RPS3: variants seen among roughly 807,000 people sequenced by gnomAD.
RPS3 encodes the protein ribosomal protein S3.
In RPS3, 2 loss-of-function variants were observed where a neutral mutation model predicts 25.8. The ratio of observed to expected loss-of-function variants is 0.08; its 90% CI spans 0.03 to 0.24. The LOEUF is 0.24. Among genes scored for constraint, RPS3 ranks in the 10% least tolerant of loss-of-function variants. The pLI is 1.00. For missense variants in RPS3, 107 were observed against 307.1 expected (o/e 0.35, Z 4.87); for synonymous variants, 114 against 114.2 (o/e 1.00, Z 0.01).
chr11:75,407,390 G>A (rs759658689), downstream of RPS3, among the ~76,000 whole-genome samples: 12 of 152,162 alleles, frequency 7.9e-5, no homozygotes, highest in African/African-American at 1.9e-4. Context: ...CCCCCACCTC[G>A]GCCTTCCAGA....
At chr11:75,411,683 C>T (rs1948357767), downstream of RPS3, among the ~76,000 whole-genome samples, 1 of 152,224 alleles carries the variant, frequency 6.6e-6, no homozygotes, top group Admixed American at 6.5e-5. Flanking sequence ...AGCCACTGCA[C>T]CCAGCCCTTA....
Position 75,406,732 on chromosome 11 carries a change from A to G in RPS3, c.*1122A>G, listed in dbSNP as rs563809869. The G allele has an allele frequency of 6.6e-6, 1 of 152,326 alleles. No individual in the cohort carries two copies. Among genetic ancestry groups the G allele is most frequent in the South Asian group, 2.1e-4 (1 of 4,822 alleles). The allele number at this position is 152,326 out of a possible 1,614,324, so 9.4% of individuals were successfully genotyped here. On this transcript the variant is annotated 3_prime_UTR_variant, in exon 7 of 7. Coordinates refer to ENST00000531188, the MANE Select transcript of RPS3 (RefSeq NM_001005.5). ...GGATTTGCATCTGTGGATTCAACCA[A>G]CTTTGGGTCAAAAATAATCAAAAAG...
At chr11:75,412,368 T>G (rs960684982) in intron 6 of RPS3, among the ~76,000 whole-genome samples, 2 of 152,212 alleles carry the variant, frequency 1.3e-5, no homozygotes, top group African/African-American at 4.8e-5. Context: ...TGGCTGGACC[T>G]CTCTGCAGCT....
At chr11:75,414,818 A>G (rs1948383755) in intron 6 of RPS3, among the ~76,000 whole-genome samples, 1 of 152,122 alleles carries the variant, frequency 6.6e-6, no homozygotes, top group Non-Finnish European at 1.5e-5. Context: ...AGGGATGAAA[A>G]CACCACCATT....
In RPS3 at chr11:75,399,544, C is replaced by A; in HGVS notation, c.-4C>A. On this transcript the variant is annotated 5_prime_UTR_variant, in exon 1 of 7. Coordinates refer to ENST00000531188, the MANE Select transcript of RPS3 (RefSeq NM_001005.5). Reference sequence around the variant, plus strand: ...CTTTCCTTTCAGCGGAGCGCGGCGGCAAGATGGCAGTGCAAATATCCAAGA... The same window carrying A: ...CTTTCCTTTCAGCGGAGCGCGGCGGAAAGATGGCAGTGCAAATATCCAAGA... 6.2e-7 allele frequency: 1 copy of A among 1,613,988 alleles called. No individual in the cohort carries two copies. Among genetic ancestry groups the A allele is most frequent in the Non-Finnish European group, 8.5e-7 (1 of 1,179,950 alleles).
At position 75,405,265 on chromosome 11, in the gene RPS3, C is replaced by G. The variant is rs559948277; in HGVS notation, c.*4-349C>G. 24 of 193,034 alleles carry G rather than the reference C, an allele frequency of 1.2e-4. No homozygotes were observed. In the South Asian group the frequency reaches 2.1e-3, roughly 17 times the overall value. The allele number at this position is 193,034 out of a possible 1,614,324, so 12.0% of individuals were successfully genotyped here. ...CTAATTTTTGTGTTTTTAGTAGAGA[C>G]GGGGTTTCACCTTGTTGGCCAGGCT... On this transcript the variant is annotated intron_variant, in intron 6 of 6. Coordinates refer to ENST00000531188, the MANE Select transcript of RPS3 (RefSeq NM_001005.5).
Position 75,404,607 on chromosome 11 carries a change from T to C in RPS3, c.539-65T>C, listed in dbSNP as rs1284853081. The C allele has an allele frequency of 1.3e-6, 2 of 1,507,398 alleles. No individual in the cohort carries two copies. The highest frequency in any genetic ancestry group is 2.3e-5 in the South Asian group (2 of 87,872). 93.4% of individuals were successfully genotyped at this position (1,507,398 alleles called of 1,614,324 possible). A position where few individuals can be genotyped will look rare whatever the true frequency, so the allele number is the denominator to read the frequency against. ...TGCTTGAGTAAACTGCTTGCTCTCT[T>C]TGGTCTTGTGTGATGGGGGCCTTTG... On this transcript the variant is annotated intron_variant, in intron 5 of 6. Transcript: ENST00000531188. The surrounding 1 kb of genome is among the most constrained non-coding windows in gnomAD (Gnocchi z 4.6).
intron 6 of RPS3, among the ~76,000 whole-genome samples, chr11:75,414,488 G>A (rs1948381225): frequency 6.6e-6 from 1 of 152,164 alleles, no homozygotes; most frequent in Admixed American, 6.5e-5. Flanking sequence ...GTGGACGCCT[G>A]TAGTCCCAGC....
chr11:75,412,500 A>T (rs1011095809), intron 6 of RPS3, among the ~76,000 whole-genome samples: 66 of 152,062 alleles, frequency 4.3e-4, no homozygotes, highest in African/African-American at 1.5e-3. Context: ...TTTCCATTTC[A>T]AAATAGGGTT....
chr11:75,404,515 T>A lies in RPS3; in HGVS notation c.539-157T>A, dbSNP rs1357318371. 1.2e-6 allele frequency: 1 copy of A among 835,680 alleles called. No homozygotes were observed. Among genetic ancestry groups the A allele is most frequent in the Admixed American group, 1.7e-5 (1 of 59,034 alleles). 51.8% of individuals were successfully genotyped at this position (835,680 alleles called of 1,614,324 possible). On this transcript the variant is annotated intron_variant, in intron 5 of 6. Transcript: ENST00000531188. This position sits in a 1 kb window ranked among gnomAD's most constrained non-coding sequence, Gnocchi z 4.6. Reference sequence around the variant, plus strand: ...CTGTGGTGCTGTGCACGAGTTCCTTTGGCAGAAGTGTCCTATTTATTGATC... The same window carrying A: ...CTGTGGTGCTGTGCACGAGTTCCTTAGGCAGAAGTGTCCTATTTATTGATC...
chr11:75,401,201 T>A (rs1948205246), intron 2 of RPS3, among the ~76,000 whole-genome samples: 1 of 152,194 alleles, frequency 6.6e-6, no homozygotes, highest in Non-Finnish European at 1.5e-5. Context: ...TTTATGAACT[T>A]AAGGGGACAG....
chr11:75,405,496 T>C (rs1046220631), intron 6 of RPS3, 118 bp from the exon 7 acceptor site: 1 of 406,548 alleles, frequency 2.5e-6, no homozygotes, highest in East Asian at 7.1e-5. Flanking sequence ...CAAACCCTTA[T>C]GTATGCATTT....
At chr11:75,414,019 A>AT (rs1391561697) in intron 6 of RPS3, among the ~76,000 whole-genome samples, 2 of 152,084 alleles carry the variant, frequency 1.3e-5, no homozygotes, top group Non-Finnish European at 2.9e-5. Flanking sequence ...TCAGTGAACG[A>AT]TTTTTCAGCT....
chr11:75,399,683 G>C, intron 1 of RPS3, 106 bp downstream of exon 1: 10 of 999,496 alleles, frequency 1.0e-5, no homozygotes, highest in Non-Finnish European at 1.4e-5. Context: ...CCCTGGAAGC[G>C]GCCTAGGCTT....
At chr11:75,408,073 G>A (rs932961945), downstream of RPS3, among the ~76,000 whole-genome samples, 24 of 152,352 alleles carry the variant, frequency 1.6e-4, no homozygotes, top group African/African-American at 5.3e-4. Flanking sequence ...AGGTGGTGCT[G>A]TGACAAAGGC....
At chr11:75,408,508 C>T (rs1268857037), downstream of RPS3, among the ~76,000 whole-genome samples, 1 of 152,126 alleles carries the variant, frequency 6.6e-6, no homozygotes, top group Non-Finnish European at 1.5e-5. Context: ...TTGCCCCCTC[C>T]CTTGTATCTA....
intron 6 of RPS3, among the ~76,000 whole-genome samples, chr11:75,419,165 C>G (rs1435017820): frequency 6.6e-6 from 1 of 152,144 alleles, no homozygotes; most frequent in Non-Finnish European, 1.5e-5. Flanking sequence ...ACTGTTTGGT[C>G]CAAGTTTTTA....
chr11:75,399,541 CG>C lies in RPS3; in HGVS notation c.-5del, dbSNP rs1447904654. The C allele has an allele frequency of 2.5e-6, 4 of 1,613,764 alleles. No individual in the cohort carries two copies. The highest frequency in any genetic ancestry group is 1.7e-5 in the Admixed American group (1 of 60,002). ...TTCCTTTCCTTTCAGCGGAGCGCGG[CG>C]GCAAGATGGCAGTGCAAATATCCAA... is the stretch of plus-strand genomic sequence containing the variant. On this transcript the variant is annotated 5_prime_UTR_variant, in exon 1 of 7. Transcript: ENST00000531188.
chr11:75,399,559 A>G lies in RPS3; in HGVS notation c.12A>G (p.Gln4=), dbSNP rs759858656. The G allele has an allele frequency of 1.1e-5, 17 of 1,613,944 alleles. No homozygotes were observed. Among genetic ancestry groups the G allele is most frequent in the Admixed American group, 5.0e-5 (3 of 60,004 alleles). The stretch of plus-strand genomic sequence containing the variant: ...AGCGCGGCGGCAAGATGGCAGTGCA[A>G]ATATCCAAGAAGAGGAAGGTGAGCC... MAV[Q]ISKKRKFVAD... The change falls in exon 1 of 7, where the codon CAA becomes CAG. Residue 4 remains glutamine (Q), a synonymous_variant. Transcript: ENST00000531188.
Sources: allele counts gnomAD v4.1 joint callset (sites outside exome capture counted in the v4.1 genomes callset), GRCh38; gene constraint gnomAD v4.1.1; non-coding constraint Gnocchi (gnomAD v3.1); transcripts MANE v1.5; gene names NCBI Gene and HGNC (gene_info 2026-07-23, HGNC 2026-07-21).